The following PTPRC variants were observed in gnomAD, a reference collection of about 807,000 sequenced individuals.
The protein encoded by PTPRC is receptor-type tyrosine-protein phosphatase C.
Under a neutral mutation model 155.9 loss-of-function variants are expected in PTPRC, and 44 were observed. The observed-to-expected ratio is 0.28, with a 90% confidence interval of 0.22 to 0.36. The LOEUF is 0.36. Ranked by LOEUF, PTPRC falls within the 10% of genes least tolerant of loss-of-function variation. PTPRC has a pLI of 1.00. For synonymous variants in PTPRC, 525 were observed against 533.1 expected (o/e 0.98, Z 0.21); for missense variants, 1,401 against 1,564.6 (o/e 0.90, Z 1.76).
intron 12 of PTPRC, among the ~76,000 whole-genome samples, chr1:198,715,788 C>CACATACAT (rs1653557499): frequency 6.6e-6 from 1 of 152,048 alleles, no homozygotes; most frequent in South Asian, 2.1e-4. Flanking sequence ...CAGTGCTTGG[C>CACATACAT]ACATACAGTG....
At chr1:198,715,588 A>G (rs1217273360) in intron 12 of PTPRC, among the ~76,000 whole-genome samples, 2 of 152,068 alleles carry the variant, frequency 1.3e-5, no homozygotes, top group African/African-American at 4.8e-5. Flanking sequence ...GGCACCTTTC[A>G]AGACCACCAT....
intron 2 of PTPRC, among the ~76,000 whole-genome samples, chr1:198,673,751 T>C (rs532196057): frequency 6.6e-6 from 1 of 152,300 alleles, no homozygotes; most frequent in Non-Finnish European, 1.5e-5. Flanking sequence ...GATTAAAGAA[T>C]CATACACTCT....
chr1:198,750,368 A>T (rs1655324588), intron 28 of PTPRC, 124 bp from the exon 29 acceptor site: 2 of 998,618 alleles, frequency 2.0e-6, no homozygotes, highest in African/African-American at 3.2e-5. Context: ...GAAACATAAG[A>T]ATATTACTAT....
chr1:198,713,993 T>C (rs1426551826), intron 12 of PTPRC, among the ~76,000 whole-genome samples: 1 of 152,200 alleles, frequency 6.6e-6, no homozygotes, highest in Non-Finnish European at 1.5e-5. Flanking sequence ...AATATGCATG[T>C]AGTTTTCAAA....
At position 198,752,304 on chromosome 1, in the gene PTPRC, T is replaced by C; in HGVS notation, c.3263T>C (p.Val1088Ala). 6.2e-7 allele frequency: 1 copy of C among 1,612,122 alleles called. No homozygotes were observed. The highest frequency in any genetic ancestry group is 8.5e-7 in the Non-Finnish European group (1 of 1,178,632). Reference protein sequence around the residue: ...EGKQTYGDIEVDLKDTDKSST... With the variant: ...EGKQTYGDIEADLKDTDKSST... The stretch of plus-strand genomic sequence containing the variant: ...AAGCAAACATATGGAGATATTGAAG[T>C]TGACCTGAAAGACACAGACAAATCT... The change falls in exon 30 of 33, where the codon GTT (valine) becomes GCT (alanine). Residue 1088 changes from valine to alanine, a missense_variant. Physicochemically the swap from Val to Ala is moderately conservative, Grantham distance 64. Transcript: ENST00000442510.
At chr1:198,663,110 T>A (rs1410384691) in intron 2 of PTPRC, among the ~76,000 whole-genome samples, 1 of 152,174 alleles carries the variant, frequency 6.6e-6, no homozygotes, top group East Asian at 1.9e-4. Flanking sequence ...TACCCACTGA[T>A]GAATAAAGAC....
intron 2 of PTPRC, among the ~76,000 whole-genome samples, chr1:198,639,635 C>T (rs1469990029): frequency 1.3e-5 from 2 of 152,032 alleles, no homozygotes; most frequent in Non-Finnish European, 2.9e-5. Flanking sequence ...AACATTATTA[C>T]TTAACTTCCA....
intron 4 of PTPRC, 100 bp from the exon 5 acceptor site, chr1:198,699,464 T>C: frequency 1.4e-6 from 2 of 1,383,062 alleles, no homozygotes; most frequent in Non-Finnish European, 2.1e-6. Context: ...CTTCACAGTT[T>C]GGTAAACTAT....
intron 2 of PTPRC, among the ~76,000 whole-genome samples, chr1:198,687,604 TGG>T (rs201977552): frequency 1.4e-5 from 2 of 146,926 alleles, no homozygotes; most frequent in African/African-American, 4.9e-5. Flanking sequence ...ATTAGATGAC[TGG>T]GGGGGCGGGG....
chr1:198,754,189 T>C (rs1197945164), intron 31 of PTPRC, 80 bp from the exon 32 acceptor site: 3 of 1,461,580 alleles, frequency 2.1e-6, no homozygotes, highest in Non-Finnish European at 2.8e-6. Context: ...AAATATATTC[T>C]CTCTCTTCCT....
chr1:198,649,358 G>T (rs899106889), intron 2 of PTPRC, among the ~76,000 whole-genome samples: 4 of 151,770 alleles, frequency 2.6e-5, no homozygotes, highest in Admixed American at 6.6e-5. Context: ...TATGATAAAG[G>T]TATGTAATGG....
At position 198,665,079 on chromosome 1, in the gene PTPRC, C is replaced by CCTTTTTTTT. The variant is rs1557979011; in HGVS notation, c.73+25738_73+25739insCTTTTTTTT. Among the ~76,000 whole-genome samples the CCTTTTTTTT allele has an allele frequency of 3.9e-5, 4 of 102,244 alleles. 2 individuals carry two copies. Among genetic ancestry groups the CCTTTTTTTT allele is most frequent in the African/African-American group, 1.4e-4 (4 of 28,170 alleles). 67.1% of individuals were successfully genotyped at this position (102,244 alleles called of 152,430 possible). On this transcript the variant is annotated intron_variant, in intron 2 of 32. Transcript: ENST00000442510. ...GAGTGTTTTTAGAACATCCCGGCAGCATTTTTTTTTTTTTTTTTTTTTTTT... is the reference window on the plus strand; with the variant it reads ...GAGTGTTTTTAGAACATCCCGGCAGCCTTTTTTTTATTTTTTTTTTTTTTTTTTTTTTTT...
intron 2 of PTPRC, among the ~76,000 whole-genome samples, chr1:198,671,798 C>T (rs1467138322): frequency 1.3e-5 from 2 of 152,182 alleles, no homozygotes; most frequent in African/African-American, 4.8e-5. Context: ...GACATATTCT[C>T]CTTTTCCCTT....
chr1:198,714,460 A>G (rs1185345535), intron 12 of PTPRC, among the ~76,000 whole-genome samples: 1 of 152,178 alleles, frequency 6.6e-6, no homozygotes, highest in Non-Finnish European at 1.5e-5. Flanking sequence ...AAATAGTGTT[A>G]CCCAAATTTA....
chr1:198,752,729 G>T lies in PTPRC; in HGVS notation c.3466G>T (p.Gly1156Trp). ...ACTTCCCCAGAAGAATTCCTCTGAA[G>T]GGAACAAGCATCACAAGAGTACACC... ...QKLPQKNSSEGNKHHKSTPLL... is the reference protein window; with the variant it reads ...QKLPQKNSSEWNKHHKSTPLL... The change falls in exon 31 of 33, where the codon GGG (glycine) becomes TGG (tryptophan). Residue 1156 changes from glycine (G) to tryptophan (W), a missense_variant. Around this residue, in one of 3 missense-constraint regions of PTPRC, gnomAD observed 400 missense variants for 389.5 expected, o/e 1.03. Coordinates refer to ENST00000442510, the MANE Select transcript of PTPRC (RefSeq NM_002838.5). 1 of 1,612,894 alleles carries T rather than the reference G, an allele frequency of 6.2e-7. No homozygotes were observed. The highest frequency in any genetic ancestry group is 8.5e-7 in the Non-Finnish European group (1 of 1,179,378).
intron 2 of PTPRC, among the ~76,000 whole-genome samples, chr1:198,688,217 G>A (rs190537277): frequency 6.6e-6 from 1 of 152,214 alleles, no homozygotes; most frequent in Admixed American, 6.5e-5. Flanking sequence ...ATCATATCCA[G>A]TGATAAATCA....
chr1:198,755,181 A>G (rs1655573100), intron 32 of PTPRC, among the ~76,000 whole-genome samples: 1 of 152,112 alleles, frequency 6.6e-6, no homozygotes, highest in Admixed American at 6.6e-5. Flanking sequence ...AGGGCCTGCA[A>G]ATTCACATTG....
chr1:198,718,298 T>C lies in PTPRC; in HGVS notation c.1655T>C (p.Phe552Ser). 6.2e-7 allele frequency: 1 copy of C among 1,610,372 alleles called. No individual in the cohort carries two copies. The highest frequency in any genetic ancestry group is 8.5e-7 in the Non-Finnish European group (1 of 1,176,910). The change falls in exon 14 of 33, where the codon TTT (phenylalanine) becomes TCT (serine). Residue 552 changes from phenylalanine (F) to serine (S), a missense_variant. This residue lies in a region of PTPRC where 867 missense variants were observed against 970.4 expected (regional missense o/e 0.89). Coordinates refer to ENST00000442510, the MANE Select transcript of PTPRC (RefSeq NM_002838.5). ...CTTCAATATTCAACAGACTACACTT[T>C]TAAGGTAAAAGTATGCTCTCTACAT... ...KDLQYSTDYTFKAYFHNGDYP... is the reference protein window; with the variant it reads ...KDLQYSTDYTSKAYFHNGDYP...
intron 32 of PTPRC, among the ~76,000 whole-genome samples, chr1:198,754,638 A>ACAGTT (rs1416818296): frequency 6.6e-6 from 1 of 152,028 alleles, no homozygotes; most frequent in African/African-American, 2.4e-5. Flanking sequence ...CTTTGTTGTG[A>ACAGTT]CAGTTCATGA....
Sources: gnomAD v4.1 joint callset for allele counts (sites outside exome capture counted in the v4.1 genomes callset) on GRCh38, gnomAD v4.1.1 for gene constraint, gnomAD v4.1.1 regional missense constraint, MANE v1.5 for transcripts, NCBI Gene and HGNC (gene_info 2026-07-23, HGNC 2026-07-21) for gene names.